The following KIF16B variants were observed in gnomAD, a reference collection of about 807,000 sequenced individuals.
KIF16B encodes the protein kinesin-like protein KIF16B.
In KIF16B, 98 loss-of-function variants were observed where a neutral mutation model predicts 156.3. The ratio of observed to expected loss-of-function variants is 0.63; its 90% CI spans 0.53 to 0.74. The LOEUF is 0.74. Ranked by LOEUF, KIF16B falls within the 30% of genes least tolerant of loss-of-function variation. The probability of loss-of-function intolerance (pLI) is 0.00; values close to 1 mark genes in which losing one functional copy is unlikely to be tolerated. For missense variants in KIF16B, 1,421 were observed against 1,606.5 expected (o/e 0.88, Z 1.97); for synonymous variants, 564 against 583.7 (o/e 0.97, Z 0.49).
At chr20:16,400,335 T>G (rs1413457061) in intron 17 of KIF16B, among the ~76,000 whole-genome samples, 1 of 152,240 alleles carries the variant, frequency 6.6e-6, no homozygotes, top group African/African-American at 2.4e-5. Flanking sequence ...CACATTTTGA[T>G]GTGTACTATA....
At chr20:16,356,273 T>G in intron 23 of KIF16B, 57 bp downstream of exon 23, 1 of 1,605,676 alleles carries the variant, frequency 6.2e-7, no homozygotes, top group South Asian at 1.1e-5. Context: ...TAAAGACAGA[T>G]AAAGCACTGC....
chr20:16,332,008 G>T (rs1354483130), intron 24 of KIF16B, among the ~76,000 whole-genome samples: 3 of 152,124 alleles, frequency 2.0e-5, no homozygotes, highest in Admixed American at 6.6e-5. Context: ...AAAAGAGACA[G>T]CTGATATTCA....
intron 1 of KIF16B, among the ~76,000 whole-genome samples, chr20:16,547,959 T>C (rs1030280936): frequency 1.8e-4 from 27 of 152,202 alleles, no homozygotes; most frequent in African/African-American, 6.0e-4. Context: ...CAATTAAATC[T>C]GACTCTCTGG....
In KIF16B at chr20:16,272,547, CT is replaced by C. The variant is rs1276265540; in HGVS notation, c.*705del. 6.6e-6 allele frequency: 1 copy of C among 152,524 alleles called. No homozygotes were observed. The highest frequency in any genetic ancestry group is 1.5e-5 in the Non-Finnish European group (1 of 68,018). 9.4% of individuals were successfully genotyped at this position (152,524 alleles called of 1,614,324 possible). A position where few individuals can be genotyped will look rare whatever the true frequency, so the allele number is the denominator to read the frequency against. On this transcript the variant is annotated 3_prime_UTR_variant, in exon 26 of 26. Transcript: ENST00000354981. ...AGCCATTTAGATTTGGGAGAATGTT[CT>C]TGAATATTCAAGGTTAAATAAATAT...
chr20:16,525,972 T>C (rs2069525053), intron 3 of KIF16B, 120 bp downstream of exon 3: 1 of 569,304 alleles, frequency 1.8e-6, no homozygotes, highest in Admixed American at 3.2e-5. Context: ...CAAAGGCTAA[T>C]TTTATACAAA....
At chr20:16,330,450 T>A (rs1388793676) in intron 24 of KIF16B, among the ~76,000 whole-genome samples, 1 of 152,252 alleles carries the variant, frequency 6.6e-6, no homozygotes, top group Non-Finnish European at 1.5e-5. Context: ...TCTTTACTGA[T>A]CTTGGTTTTT....
At position 16,302,123 on chromosome 20, in the gene KIF16B, T is replaced by C. The variant is rs74943870; in HGVS notation, c.3795+10212A>G. 4.3e-4 allele frequency among the ~76,000 whole-genome samples: 66 copies of C among 152,336 alleles called. 3 individuals are homozygous for C. The East Asian group carries it at 0.012, about 28-fold the overall frequency. On this transcript the variant is annotated intron_variant, in intron 25 of 25. Coordinates refer to ENST00000354981, the MANE Select transcript of KIF16B (RefSeq NM_024704.5). ...GGTGTCTTTTGCAGAGCAGAAGTTT[T>C]AAACTTTAGTGAAGTCTATCTTATT... is the stretch of plus-strand genomic sequence containing the variant.
intron 12 of KIF16B, among the ~76,000 whole-genome samples, chr20:16,435,425 T>G (rs543801472): frequency 6.6e-6 from 1 of 152,334 alleles, no homozygotes; most frequent in Non-Finnish European, 1.5e-5. Flanking sequence ...ATAATTTGGT[T>G]TTATGTCTGG....
intron 24 of KIF16B, among the ~76,000 whole-genome samples, chr20:16,323,609 G>A (rs544659818): frequency 3.9e-4 from 60 of 152,004 alleles, no homozygotes; most frequent in African/African-American, 1.3e-3. Context: ...AGGGAGTGAT[G>A]AGCTACCTTT....
chr20:16,414,104 G>A (rs991605527), intron 15 of KIF16B, among the ~76,000 whole-genome samples: 4 of 152,018 alleles, frequency 2.6e-5, no homozygotes, highest in African/African-American at 7.2e-5. Context: ...TAAGTAATAT[G>A]TTCTAGGGCC....
chr20:16,468,024 T>C (rs2067544784), intron 12 of KIF16B, among the ~76,000 whole-genome samples: 1 of 152,154 alleles, frequency 6.6e-6, no homozygotes, highest in Admixed American at 6.5e-5. Context: ...AATCCAACTA[T>C]ATTAGTAATC....
At chr20:16,569,098 G>C (rs1402404220) in intron 1 of KIF16B, among the ~76,000 whole-genome samples, 1 of 152,100 alleles carries the variant, frequency 6.6e-6, no homozygotes, top group Non-Finnish European at 1.5e-5. Context: ...TACACAGCAA[G>C]AACCTACCAT....
intron 6 of KIF16B, among the ~76,000 whole-genome samples, chr20:16,510,440 A>G (rs1186465253): frequency 6.6e-6 from 1 of 152,202 alleles, no homozygotes; most frequent in East Asian, 1.9e-4. Context: ...TCATGAGGTC[A>G]GGAGTTCAAG....
intron 1 of KIF16B, among the ~76,000 whole-genome samples, chr20:16,548,667 G>C (rs556900227): frequency 6.6e-6 from 1 of 152,276 alleles, no homozygotes; most frequent in African/African-American, 2.4e-5. Context: ...CCTCACCACT[G>C]TGCCCTGTCC....
rs1177928649 is a variant in KIF16B, at chr20:16,504,495, A to T, written c.1053T>A (p.Tyr351Ter). ...NYGETLSTLR[Y>*]ANRAKNIINK... Reference sequence around the variant, plus strand: ...TGATGATGTTTTTGGCTCTATTTGCATAGCGAAGAGTACTTAGGGTTTCTC... The same window carrying T: ...TGATGATGTTTTTGGCTCTATTTGCTTAGCGAAGAGTACTTAGGGTTTCTC... Residue 351 changes from tyrosine to a stop codon, truncating the protein, a stop_gained, in exon 10 of 26, where the codon TAT (tyrosine) becomes TAA (stop). Transcript: ENST00000354981. LOFTEE classifies it high-confidence loss of function. 1 of 1,614,130 alleles carries T rather than the reference A, an allele frequency of 6.2e-7. No homozygotes were observed. Among genetic ancestry groups the T allele is most frequent in the Non-Finnish European group, 8.5e-7 (1 of 1,179,974 alleles).
chr20:16,299,181 A>G (rs922517877), intron 25 of KIF16B, among the ~76,000 whole-genome samples: 2 of 152,126 alleles, frequency 1.3e-5, no homozygotes, highest in East Asian at 3.9e-4. Context: ...TAGATGAAAT[A>G]ATATGATGCC....
intron 23 of KIF16B, among the ~76,000 whole-genome samples, chr20:16,342,908 A>G (rs535608922): frequency 9.4e-4 from 143 of 152,334 alleles, no homozygotes; most frequent in African/African-American, 3.0e-3. Context: ...CCATGCCCAG[A>G]GCTGAGGATC....
At chr20:16,512,703 G>C (rs2068994963) in intron 5 of KIF16B, 123 bp downstream of exon 5, 1 of 612,772 alleles carries the variant, frequency 1.6e-6, no homozygotes, top group Non-Finnish European at 2.9e-6. Context: ...CACAGGAGGG[G>C]AAAAGGGAAG....
intron 1 of KIF16B, among the ~76,000 whole-genome samples, chr20:16,571,382 C>T (rs955123473): frequency 7.2e-5 from 11 of 152,142 alleles, no homozygotes; most frequent in African/African-American, 1.9e-4. Flanking sequence ...AATAACATCA[C>T]GCGAATCTGC....
Sources: allele counts gnomAD v4.1 joint callset (sites outside exome capture counted in the v4.1 genomes callset), GRCh38; gene constraint gnomAD v4.1.1; transcripts MANE v1.5; gene names NCBI Gene and HGNC (gene_info 2026-07-23, HGNC 2026-07-21).